FMN1: variants seen among roughly 807,000 people sequenced by gnomAD.
The protein encoded by FMN1 is formin-1.
A neutral mutation model predicts 132.4 loss-of-function variants in FMN1; 110 were observed. That is an observed-to-expected ratio of 0.83 (90% CI 0.71 to 0.97). FMN1 has a LOEUF of 0.97. FMN1 is among the 50% of genes least tolerant of loss of function. The pLI, the probability that FMN1 is intolerant of heterozygous loss-of-function variation, is 0.00. For missense variants in FMN1, 1,792 were observed against 1,705.3 expected, an observed-to-expected ratio of 1.05 and a Z score of -0.90; for synonymous variants, 722 against 651.7, an observed-to-expected ratio of 1.11 and a Z score of -1.64.
chr15:32,968,123 G>A (rs2031415544), intron 8 of FMN1, among the ~76,000 whole-genome samples: 1 of 152,138 alleles, frequency 6.6e-6, no homozygotes, highest in Non-Finnish European at 1.5e-5. Context: ...AGGGCATCAA[G>A]ACATAAAGGA....
chr15:33,147,574 G>A (rs1964276945), intron 4 of FMN1, among the ~76,000 whole-genome samples: 1 of 152,178 alleles, frequency 6.6e-6, no homozygotes, highest in Non-Finnish European at 1.5e-5. Context: ...AGTGGAAGGT[G>A]TTATCCTCAA....
intron 7 of FMN1, among the ~76,000 whole-genome samples, chr15:32,988,289 G>C (rs538326520): frequency 6.6e-4 from 100 of 152,026 alleles, no homozygotes; most frequent in African/African-American, 2.4e-3. Context: ...AAAGCGTTGG[G>C]GAAGAGGAAG....
chr15:33,009,602 T>G (rs2034598870), intron 6 of FMN1, among the ~76,000 whole-genome samples: 1 of 152,234 alleles, frequency 6.6e-6, no homozygotes, highest in Non-Finnish European at 1.5e-5. Context: ...TTTCATTTGC[T>G]GACTACTTAC....
At chr15:32,858,291 A>G (rs902612382) in intron 16 of FMN1, among the ~76,000 whole-genome samples, 1 of 152,254 alleles carries the variant, frequency 6.6e-6, no homozygotes, top group African/African-American at 2.4e-5. Context: ...AGAAAATGCA[A>G]AAGACACCAC....
intron 15 of FMN1, among the ~76,000 whole-genome samples, chr15:32,888,613 G>C (rs1283650437): frequency 1.3e-5 from 2 of 152,182 alleles, no homozygotes; most frequent in Non-Finnish European, 2.9e-5. Context: ...TGGAAGAGGG[G>C]AACACATGAA....
At chr15:33,020,409 A>G (rs2035354539) in intron 6 of FMN1, among the ~76,000 whole-genome samples, 1 of 116,580 alleles carries the variant, frequency 8.6e-6, no homozygotes, top group Non-Finnish European at 1.9e-5. Flanking sequence ...GCATTTGGGG[A>G]GGCCGAGGTG....
rs12903110 is a variant in FMN1, at chr15:32,964,018, C to T, written c.3138+89G>A. On this transcript the variant is annotated intron_variant, in intron 9 of 20. Transcript: ENST00000616417. ...TATGTGTGTGTGTGTATATACGATACACACACACACACACACACACACACA... is the reference window on the plus strand; with the variant it reads ...TATGTGTGTGTGTGTATATACGATATACACACACACACACACACACACACA... The T allele has an allele frequency of 0.016, 9,846 of 603,914 alleles. 345 individuals are homozygous for T. Among genetic ancestry groups the T allele is most frequent in the African/African-American group, 0.14 (5,633 of 39,002 alleles). The allele number at this position is 603,914 out of a possible 1,614,324, so 37.4% of individuals were successfully genotyped here.
chr15:32,871,546 G>A (rs1049887580), intron 16 of FMN1, among the ~76,000 whole-genome samples: 13 of 152,086 alleles, frequency 8.5e-5, no homozygotes, highest in African/African-American at 3.1e-4. Flanking sequence ...ATTCTCATGG[G>A]GAGTCAGGCT....
chr15:33,060,172 T>C (rs555227754), intron 6 of FMN1, among the ~76,000 whole-genome samples: 2 of 142,396 alleles, frequency 1.4e-5, no homozygotes, highest in Admixed American at 7.2e-5. Context: ...CTATGAAAGA[T>C]AGTACAATGC....
chr15:32,964,491 C>T (rs951109378), intron 8 of FMN1, among the ~76,000 whole-genome samples: 6 of 152,276 alleles, frequency 3.9e-5, no homozygotes, highest in Non-Finnish European at 2.9e-5. Flanking sequence ...TCATTAGCTA[C>T]GATCAAAGAT....
intron 9 of FMN1, among the ~76,000 whole-genome samples, chr15:32,948,151 T>C (rs2061549127): frequency 6.6e-6 from 1 of 152,042 alleles, no homozygotes. Flanking sequence ...ATCATAATCA[T>C]ATTTAATCAA....
chr15:32,814,096 C>G (rs567069283), intron 17 of FMN1, among the ~76,000 whole-genome samples: 2 of 152,272 alleles, frequency 1.3e-5, no homozygotes, highest in East Asian at 3.9e-4. Context: ...TCAGAATGAT[C>G]TGGTGAGAGA....
At position 33,153,415 on chromosome 15, in the gene FMN1, A is replaced by G. The variant is rs2140282372; in HGVS notation, c.1500T>C (p.Leu500=). 6.5e-7 allele frequency: 1 copy of G among 1,536,758 alleles called. No individual in the cohort carries two copies. Among genetic ancestry groups the G allele is most frequent in the Non-Finnish European group, 8.7e-7 (1 of 1,147,026 alleles). ...KKPSPPAPAA[L]GKVFNNSASQ... is the part of the protein sequence containing the mutation. ...AGGCTGAATTATTAAACACCTTGCC[A>G]AGAGCTGCCGGTGCTGGTGGGGATG... Residue 500 remains leucine, a synonymous_variant, in exon 4 of 21, where the codon CTT becomes CTC. Coordinates refer to ENST00000616417, the MANE Select transcript of FMN1 (RefSeq NM_001277313.2).
chr15:33,065,725 T>G (rs945815239), intron 5 of FMN1, among the ~76,000 whole-genome samples: 2 of 152,350 alleles, frequency 1.3e-5, no homozygotes, highest in East Asian at 3.9e-4. Context: ...GGAGGAATGA[T>G]AGTCATACAC....
intron 9 of FMN1, among the ~76,000 whole-genome samples, chr15:32,946,497 A>G (rs1452829718): frequency 6.6e-6 from 1 of 152,220 alleles, no homozygotes; most frequent in Non-Finnish European, 1.5e-5. Flanking sequence ...GCAAAGATGT[A>G]CATTCCTAAT....
chr15:33,103,891 G>GT (rs1423146858), intron 4 of FMN1, among the ~76,000 whole-genome samples: 1 of 151,910 alleles, frequency 6.6e-6, no homozygotes, highest in Non-Finnish European at 1.5e-5. Context: ...TCCCCCTGAG[G>GT]TAATTTCAAA....
intron 6 of FMN1, among the ~76,000 whole-genome samples, chr15:33,061,258 T>G (rs2037468416): frequency 6.6e-6 from 1 of 152,216 alleles, no homozygotes; most frequent in Non-Finnish European, 1.5e-5. Flanking sequence ...GCCCTGTCCC[T>G]GGGGAGAAAA....
chr15:32,932,347 G>C (rs1022038903), intron 9 of FMN1, among the ~76,000 whole-genome samples: 2 of 152,220 alleles, frequency 1.3e-5, no homozygotes, highest in African/African-American at 2.4e-5. Flanking sequence ...GTTGCAGTGA[G>C]CTGATATTGT....
At chr15:33,165,445 C>T (rs1462495044) in intron 3 of FMN1, among the ~76,000 whole-genome samples, 3 of 152,196 alleles carry the variant, frequency 2.0e-5, no homozygotes, top group Admixed American at 6.5e-5. Flanking sequence ...GGCTGGAGTG[C>T]AGTGGCGCGA....
Sources: gnomAD v4.1 joint callset for allele counts (sites outside exome capture counted in the v4.1 genomes callset) on GRCh38, gnomAD v4.1.1 for gene constraint, MANE v1.5 for transcripts, NCBI Gene and HGNC (gene_info 2026-07-23, HGNC 2026-07-21) for gene names.